The following DLC1 variants were observed in gnomAD, a reference collection of about 807,000 sequenced individuals.
DLC1 encodes the protein rho GTPase-activating protein 7.
A neutral mutation model predicts 140.3 loss-of-function variants in DLC1; 54 were observed. The observed-to-expected ratio is 0.38, with a 90% CI of 0.31 to 0.48. The LOEUF is 0.48. Ranked by LOEUF, DLC1 falls within the 20% of genes least tolerant of loss-of-function variation. The probability of loss-of-function intolerance (pLI) is 0.96; values close to 1 mark genes in which losing one functional copy is unlikely to be tolerated. For synonymous variants in DLC1, 986 were observed against 728.1 expected (o/e 1.35, Z -5.70); for missense variants, 2,536 against 1,907.0 (o/e 1.33, Z -6.14).
intron 5 of DLC1, among the ~76,000 whole-genome samples, chr8:13,132,217 G>GTGTGTGTGTGTT (rs1272380275): frequency 2.0e-5 from 3 of 151,122 alleles, no homozygotes; most frequent in African/African-American, 7.3e-5. Flanking sequence ...GTGTGTGTGT[G>GTGTGTGTGTGTT]TGTGTGTGTG....
At chr8:13,384,730 C>T (rs980313522) in intron 4 of DLC1, among the ~76,000 whole-genome samples, 2 of 152,110 alleles carry the variant, frequency 1.3e-5, no homozygotes, top group African/African-American at 4.8e-5. Context: ...GGTTGAGTTG[C>T]TCTAATCTGG....
At chr8:13,519,843 G>A (rs1329265253), upstream of DLC1, among the ~76,000 whole-genome samples, 2 of 152,124 alleles carry the variant, frequency 1.3e-5, no homozygotes, top group Non-Finnish European at 2.9e-5. Context: ...AAAAGAAGAC[G>A]TTTATGTAGC....
intron 8 of DLC1, chr8:13,100,984 A>C (rs1010611643): frequency 8.3e-6 from 4 of 479,254 alleles, no homozygotes; most frequent in African/African-American, 8.3e-5. Context: ...TGAACTGCTG[A>C]CCTCAAGTGA....
chr8:13,460,080 G>A (rs1049381046), intron 2 of DLC1, among the ~76,000 whole-genome samples: 2 of 152,146 alleles, frequency 1.3e-5, no homozygotes, highest in African/African-American at 4.8e-5. Flanking sequence ...TGGCATCTAA[G>A]GCAGTGTTAG....
At chr8:13,225,806 G>C (rs1034816725) in intron 5 of DLC1, among the ~76,000 whole-genome samples, 6 of 151,910 alleles carry the variant, frequency 3.9e-5, no homozygotes, top group African/African-American at 1.5e-4. Context: ...TAGTAGAGAT[G>C]GGGTTTCACC....
chr8:13,087,470 A>T (rs6531024), intron 16 of DLC1, among the ~76,000 whole-genome samples: 43,066 of 152,192 alleles, frequency 0.28, 7,237 homozygotes, highest in East Asian at 0.57. Flanking sequence ...AGCCTTTAGA[A>T]CCATGAGCCA....
At chr8:13,409,253 C>G (rs1456383310) in intron 2 of DLC1, among the ~76,000 whole-genome samples, 1 of 151,944 alleles carries the variant, frequency 6.6e-6, no homozygotes, top group Non-Finnish European at 1.5e-5. Flanking sequence ...TGATATATTT[C>G]TAACACATAT....
chr8:13,566,776 G>C, intron 1 of DLC1: 1 of 606,618 alleles, frequency 1.6e-6, no homozygotes, highest in Non-Finnish European at 2.7e-6. Context: ...GGGCGCTGGG[G>C]AGCGCGGAGG....
chr8:13,553,230 A>ATATATG (rs1803926726), intron 1 of DLC1, among the ~76,000 whole-genome samples: 1 of 128,108 alleles, frequency 7.8e-6, no homozygotes, highest in African/African-American at 3.0e-5. Context: ...ATATATATGT[A>ATATATG]TATATATATA....
chr8:13,368,691 T>C (rs1586220262), intron 4 of DLC1, among the ~76,000 whole-genome samples: 1 of 152,294 alleles, frequency 6.6e-6, no homozygotes, highest in East Asian at 1.9e-4. Flanking sequence ...TCTGAGTTGT[T>C]AGGTGAAAGA....
chr8:13,583,496 G>T lies in DLC1; in HGVS notation c.-126+21041C>A, dbSNP rs143967997. On this transcript the variant is annotated intron_variant, in intron 1 of 1. Coordinates refer to the DLC1 transcript ENST00000631382. ...CTCTTGCTATTTCTATCATATCTGC[G>T]ACAACTTCCTGTACTGAAGTCTTAA... is the stretch of plus-strand genomic sequence containing the variant. Among the ~76,000 whole-genome samples the T allele has an allele frequency of 1.7e-3, 252 of 152,180 alleles. 1 individual carries two copies. Among genetic ancestry groups the T allele is most frequent in the African/African-American group, 5.9e-3 (243 of 41,512 alleles).
intron 4 of DLC1, among the ~76,000 whole-genome samples, chr8:13,330,111 C>A (rs1166277497): frequency 6.6e-6 from 1 of 152,088 alleles, no homozygotes; most frequent in African/African-American, 2.4e-5. Flanking sequence ...ACTACAGGTG[C>A]ACACCACAAT....
intron 4 of DLC1, among the ~76,000 whole-genome samples, chr8:13,317,794 G>T (rs1832915933): frequency 6.6e-6 from 1 of 152,114 alleles, no homozygotes; most frequent in Admixed American, 6.5e-5. Context: ...GTGGAAAGAG[G>T]ATTGAGAAAG....
chr8:13,347,693 G>T (rs1834416879), intron 4 of DLC1, among the ~76,000 whole-genome samples: 2 of 152,134 alleles, frequency 1.3e-5, no homozygotes, highest in Admixed American at 1.3e-4. Flanking sequence ...GGGAAAGATG[G>T]ACAGGTCACA....
rs1817948115 is a variant in DLC1 at position 13,090,372 on chromosome 8, T to G, written c.3954A>C (p.Ser1318=). 3 of 1,614,118 alleles carry G rather than the reference T, an allele frequency of 1.9e-6. No individual in the cohort carries two copies. Among genetic ancestry groups the G allele is most frequent in the Non-Finnish European group, 1.7e-6 (2 of 1,180,056 alleles). Residue 1318 remains serine, a synonymous_variant, in exon 15 of 18, where the codon TCA becomes TCC. Transcript: ENST00000276297. ...CCTGGAGGAAGTGTTGGTAGTCAGC[T>G]GAGTCATCATTACCCAGGTGCCCGA... is the stretch of plus-strand genomic sequence containing the variant. The part of the protein sequence containing the change: ...EALGHLGNDD[S]ADYQHFLQDC...
In DLC1 at chr8:13,132,930, C is replaced by G. The variant is rs926430126; in HGVS notation, c.1349-17273G>C. On this transcript the variant is annotated intron_variant, in intron 5 of 17. Transcript: ENST00000276297. ...CCGCGGCCAGCCCGACGGCAAGACG[C>G]AAGTCTAGCTTACGTGTTAGGATCA... is the stretch of plus-strand genomic sequence containing the variant. 1.9e-6 allele frequency: 3 copies of G among 1,601,240 alleles called. No individual in the cohort carries two copies. The African/African-American group carries it at 4.0e-5, about 21-fold the overall frequency.
intron 5 of DLC1, chr8:13,133,273 G>A (rs1441262152): frequency 1.1e-5 from 14 of 1,324,858 alleles, no homozygotes; most frequent in Middle Eastern, 5.8e-4. Context: ...CCCTCGCTCG[G>A]GCAGTCGGAG....
intron 5 of DLC1, among the ~76,000 whole-genome samples, chr8:13,281,337 A>AC (rs1831359442): frequency 2.6e-5 from 4 of 152,328 alleles, no homozygotes; most frequent in African/African-American, 9.6e-5. Context: ...GGTGGCTTGC[A>AC]CTATTAGGTG....
chr8:13,451,972 T>C (rs972821405), intron 2 of DLC1, among the ~76,000 whole-genome samples: 1 of 152,178 alleles, frequency 6.6e-6, no homozygotes, highest in African/African-American at 2.4e-5. Context: ...GTTGTACTAA[T>C]TTCCATGAAC....
Sources: gnomAD v4.1 joint callset for allele counts (sites outside exome capture counted in the v4.1 genomes callset) on GRCh38, gnomAD v4.1.1 for gene constraint, MANE v1.5 for transcripts, NCBI Gene and HGNC (gene_info 2026-07-23, HGNC 2026-07-21) for gene names.